DGCR2: variants seen among roughly 807,000 people sequenced by gnomAD.
DGCR2 encodes the protein DiGeorge syndrome critical region gene 2.
In DGCR2, 24 loss-of-function variants were observed where a neutral mutation model predicts 51.6. The ratio of observed to expected loss-of-function variants is 0.47; its 90% CI spans 0.34 to 0.65. The LOEUF (loss-of-function observed/expected upper bound fraction) is 0.65. Among genes scored for constraint, DGCR2 ranks in the 30% least tolerant of loss-of-function variants. The pLI, the probability that DGCR2 is intolerant of heterozygous loss-of-function variation, is 0.01. For synonymous variants in DGCR2, 340 were observed against 315.4 expected (o/e 1.08, Z -0.82); for missense variants, 765 against 772.1 (o/e 0.99, Z 0.11).
At chr22:19,078,918 G>T (rs1037250229) in intron 2 of DGCR2, among the ~76,000 whole-genome samples, 1 of 152,124 alleles carries the variant, frequency 6.6e-6, no homozygotes, top group African/African-American at 2.4e-5. Context: ...TTCTTTAAAC[G>T]TTTGGAGAAT....
chr22:19,110,605 T>A lies in DGCR2; in HGVS notation c.79+11523A>T, dbSNP rs952798558. On this transcript the variant is annotated intron_variant, in intron 1 of 9. Coordinates refer to ENST00000263196, the MANE Select transcript of DGCR2 (RefSeq NM_005137.3). ...CAAACCTGCATGTTCTGCACATGCA[T>A]CCTGGAACTTAAAGTAAAATAAAAT... 4.0e-5 allele frequency among the ~76,000 whole-genome samples: 6 copies of A among 149,758 alleles called. No individual in the cohort carries two copies. In the South Asian group the frequency reaches 6.3e-4, roughly 16 times the overall value.
intron 1 of DGCR2, among the ~76,000 whole-genome samples, chr22:19,120,504 A>G (rs1483221868): frequency 2.0e-5 from 3 of 152,138 alleles, no homozygotes; most frequent in African/African-American, 7.2e-5. Context: ...GGGGGCAAGC[A>G]CCCACAGGCA....
chr22:19,056,354 G>A (rs573240523), intron 6 of DGCR2: 3 of 291,302 alleles, frequency 1.0e-5, no homozygotes, highest in African/African-American at 2.3e-5. Context: ...CAACAAGAAC[G>A]CCTGCACCAT....
chr22:19,096,568 C>CTGTGT (rs1175450075), intron 1 of DGCR2, among the ~76,000 whole-genome samples: 1 of 151,688 alleles, frequency 6.6e-6, no homozygotes. Context: ...ATATACCCCA[C>CTGTGT]ACATGTAACT....
At chr22:19,050,925 G>A (rs538526844) in intron 6 of DGCR2, among the ~76,000 whole-genome samples, 47 of 152,152 alleles carry the variant, frequency 3.1e-4, no homozygotes, top group African/African-American at 1.1e-3. Flanking sequence ...TCAGTGGCTC[G>A]CACCTGTAAT....
intron 7 of DGCR2, chr22:19,047,964 G>A (rs1402428512): frequency 5.3e-6 from 1 of 187,758 alleles, no homozygotes; most frequent in Non-Finnish European, 1.1e-5. Flanking sequence ...AGCTGAGGTG[G>A]GTGGATCACT....
rs187780287 is a variant in DGCR2 at position 19,118,540 on chromosome 22, C to T, written c.79+3588G>A. 4.1e-4 allele frequency among the ~76,000 whole-genome samples: 62 copies of T among 152,248 alleles called. 1 individual carries two copies. In the East Asian group the frequency reaches 0.011, roughly 28 times the overall value. ...AGCTCCACCTGGGTCTGAACCCACGCTCTGCTGCTCACCAGCTGTGTGACC... is the reference window on the plus strand; with the variant it reads ...AGCTCCACCTGGGTCTGAACCCACGTTCTGCTGCTCACCAGCTGTGTGACC... On this transcript the variant is annotated intron_variant, in intron 1 of 9. Transcript: ENST00000263196.
chr22:19,042,807 G>A lies in DGCR2; in HGVS notation c.1007-848C>T, dbSNP rs964634883. Among the ~76,000 whole-genome samples, 8 of 152,176 alleles carry A rather than the reference G, an allele frequency of 5.3e-5. No homozygotes were observed. The South Asian group carries it at 8.3e-4, about 16-fold the overall frequency. On this transcript the variant is annotated intron_variant, in intron 7 of 9. Coordinates refer to ENST00000263196, the MANE Select transcript of DGCR2 (RefSeq NM_005137.3). ...AGTGAGCCCCTGTGGGCAGCCGCAC[G>A]GTCAACTCAGGTATCATTTCACAAA...
intron 2 of DGCR2, among the ~76,000 whole-genome samples, chr22:19,083,723 ACGGTCTCCCTCTCCCT>A (rs2082970076): frequency 5.0e-5 from 1 of 20,064 alleles, no homozygotes; most frequent in Admixed American, 4.5e-4. Context: ...CCCTCTCCCC[ACGGTCTCCCTCTCCCT>A]CTCTTTCCAC....
chr22:19,114,152 G>GAAA (rs74403708), intron 1 of DGCR2, among the ~76,000 whole-genome samples: 274 of 114,710 alleles, frequency 2.4e-3, no homozygotes, highest in South Asian at 2.8e-3. Context: ...GTTACCAAAG[G>GAAA]AAAAAAAAAA....
rs2082610066 is a variant in DGCR2 at position 19,056,931 on chromosome 22, A to G, written c.802+55T>C. On this transcript the variant is annotated intron_variant, in intron 6 of 9. Coordinates refer to ENST00000263196, the MANE Select transcript of DGCR2 (RefSeq NM_005137.3). ...CGAAACCTTGAACTCAGGGTCCAAC[A>G]AAGTGACACAAGGGCCCAGACATTC... The G allele has an allele frequency of 7.4e-6, 11 of 1,495,064 alleles. No individual in the cohort carries two copies. In the East Asian group the frequency reaches 2.4e-4, roughly 33 times the overall value. 92.6% of individuals were successfully genotyped at this position (1,495,064 alleles called of 1,614,324 possible).
intron 1 of DGCR2, among the ~76,000 whole-genome samples, chr22:19,118,200 C>A (rs541269560): frequency 2.6e-5 from 4 of 152,178 alleles, no homozygotes; most frequent in Non-Finnish European, 5.9e-5. Context: ...TGGTGAAACC[C>A]CGTCTCTACT....
At chr22:19,089,813 T>G (rs2083058663) in intron 1 of DGCR2, among the ~76,000 whole-genome samples, 1 of 152,238 alleles carries the variant, frequency 6.6e-6, no homozygotes, top group Admixed American at 6.5e-5. Context: ...ACTCCTGGCC[T>G]CAAGTGATCT....
At chr22:19,113,591 G>C (rs1242722474) in intron 1 of DGCR2, among the ~76,000 whole-genome samples, 1 of 152,054 alleles carries the variant, frequency 6.6e-6, no homozygotes, top group African/African-American at 2.4e-5. Flanking sequence ...TTCCAGTGTG[G>C]GGCAGGTAAG....
intron 1 of DGCR2, among the ~76,000 whole-genome samples, chr22:19,111,261 G>A (rs915682762): frequency 1.4e-4 from 21 of 152,182 alleles, no homozygotes; most frequent in Non-Finnish European, 2.6e-4. Context: ...AGACATCACA[G>A]CATCAGTGTC....
At chr22:19,082,830 C>T (rs8138482) in intron 2 of DGCR2, among the ~76,000 whole-genome samples, 65,210 of 151,678 alleles carry the variant, frequency 0.43, 14,350 homozygotes, top group African/African-American at 0.53. Flanking sequence ...CTCATGCCCC[C>T]GTAATCCAGG....
At position 19,122,124 on chromosome 22, in the gene DGCR2, G is replaced by A. The variant is rs1323734555; in HGVS notation, c.79+4C>T. The A allele has an allele frequency of 5.4e-6, 8 of 1,489,878 alleles. No individual in the cohort carries two copies. Among genetic ancestry groups the A allele is most frequent in the Admixed American group, 4.7e-5 (2 of 42,764 alleles). 92.3% of individuals were successfully genotyped at this position (1,489,878 alleles called of 1,614,324 possible). ...CCCCACACCGCCCCCATCGCGCGGC[G>A]CACCTGGCCGCAGCGGCTCGGTGAC... On this transcript the variant is annotated splice_donor_region_variant and intron_variant, in intron 1 of 9. Coordinates refer to ENST00000263196, the MANE Select transcript of DGCR2 (RefSeq NM_005137.3).
intron 2 of DGCR2, among the ~76,000 whole-genome samples, chr22:19,076,396 C>G (rs1039524348): frequency 2.6e-5 from 4 of 152,018 alleles, no homozygotes; most frequent in African/African-American, 9.7e-5. Context: ...AACTCCTGAC[C>G]TCAAGTGATC....
chr22:19,062,213 C>T (rs2082671384), intron 5 of DGCR2, among the ~76,000 whole-genome samples: 1 of 152,208 alleles, frequency 6.6e-6, no homozygotes, highest in Non-Finnish European at 1.5e-5. Flanking sequence ...CTGGGGCTCT[C>T]AGGAGGGCAC....
Sources: allele counts gnomAD v4.1 joint callset (sites outside exome capture counted in the v4.1 genomes callset), GRCh38; gene constraint gnomAD v4.1.1; transcripts MANE v1.5; gene names NCBI Gene and HGNC (gene_info 2026-07-23, HGNC 2026-07-21).